Variants in TACR3 observed in about 807,000 individuals in gnomAD.
The protein encoded by TACR3 is neuromedin-K receptor.
In TACR3, 34 loss-of-function variants were observed where a neutral mutation model predicts 35.0. The ratio of observed to expected loss-of-function variants is 0.97; its 90% confidence interval spans 0.74 to 1.30. The LOEUF (loss-of-function observed/expected upper bound fraction) is 1.30, where lower values mean the gene tolerates loss of function less well. Ranked by LOEUF, TACR3 falls within the 50% of genes most tolerant of loss-of-function variation. The probability of loss-of-function intolerance (pLI) is 0.00; values close to 1 mark genes in which losing one functional copy is unlikely to be tolerated. For synonymous variants in TACR3, 233 were observed against 221.1 expected (o/e 1.05, Z -0.48); for missense variants, 558 against 591.7 (o/e 0.94, Z 0.59).
chr4:103,706,653 G>A (rs1248113957), intron 1 of TACR3, among the ~76,000 whole-genome samples: 2 of 152,000 alleles, frequency 1.3e-5, no homozygotes, highest in African/African-American at 2.4e-5. Context: ...TGGATGTGAC[G>A]GTCATAGGTT....
intron 3 of TACR3, among the ~76,000 whole-genome samples, chr4:103,615,039 C>T (rs1254474055): frequency 6.6e-6 from 1 of 151,488 alleles, no homozygotes; most frequent in South Asian, 2.1e-4. Context: ...GGACTACAGG[C>T]GCCCGCCATC....
At chr4:103,617,117 TTA>T (rs1320182171) in intron 3 of TACR3, among the ~76,000 whole-genome samples, 2 of 152,048 alleles carry the variant, frequency 1.3e-5, no homozygotes, top group Non-Finnish European at 2.9e-5. Flanking sequence ...CAACAAAAAA[TTA>T]TGAGACATGT....
chr4:103,646,286 G>T (rs928690166), intron 3 of TACR3, among the ~76,000 whole-genome samples: 1 of 151,938 alleles, frequency 6.6e-6, no homozygotes, highest in Non-Finnish European at 1.5e-5. Flanking sequence ...CAGAAGACTA[G>T]AAAACATCTT....
intron 3 of TACR3, among the ~76,000 whole-genome samples, chr4:103,650,745 A>T (rs1172630079): frequency 6.0e-4 from 53 of 88,534 alleles, no homozygotes; most frequent in Non-Finnish European, 9.1e-4. Context: ...TATCATATAT[A>T]ATATATATAT....
At chr4:103,592,864 G>A (rs1430638302) in intron 3 of TACR3, among the ~76,000 whole-genome samples, 1 of 152,106 alleles carries the variant, frequency 6.6e-6, no homozygotes, top group Non-Finnish European at 1.5e-5. Context: ...GCATGAAATG[G>A]ATCAATGTGG....
intron 3 of TACR3, among the ~76,000 whole-genome samples, chr4:103,604,799 C>T (rs931698429): frequency 6.8e-6 from 1 of 148,066 alleles, no homozygotes; most frequent in Non-Finnish European, 1.5e-5. Context: ...CTCATCATCA[C>T]TGGTCATTAG....
intron 1 of TACR3, among the ~76,000 whole-genome samples, chr4:103,694,543 C>T (rs1172360417): frequency 2.0e-5 from 3 of 152,104 alleles, no homozygotes; most frequent in Non-Finnish European, 4.4e-5. Flanking sequence ...GAAATGGTTT[C>T]TTTAAGGCAC....
At chr4:103,671,145 A>G (rs1726049648) in intron 1 of TACR3, among the ~76,000 whole-genome samples, 1 of 151,872 alleles carries the variant, frequency 6.6e-6, no homozygotes, top group Non-Finnish European at 1.5e-5. Context: ...CCTGATCATG[A>G]TGAGTGATCT....
intron 3 of TACR3, among the ~76,000 whole-genome samples, chr4:103,606,121 G>T (rs1298344757): frequency 6.6e-6 from 1 of 151,832 alleles, no homozygotes; most frequent in Non-Finnish European, 1.5e-5. Flanking sequence ...GTTTGTCAAA[G>T]ATCAGATAGT....
intron 3 of TACR3, among the ~76,000 whole-genome samples, chr4:103,654,858 T>A (rs989613482): frequency 6.6e-6 from 1 of 152,058 alleles, no homozygotes; most frequent in Non-Finnish European, 1.5e-5. Context: ...TCTTTCAACA[T>A]GAGCAAGATG....
chr4:103,602,099 T>G (rs1254519468), intron 3 of TACR3, among the ~76,000 whole-genome samples: 2 of 152,188 alleles, frequency 1.3e-5, no homozygotes, highest in Non-Finnish European at 2.9e-5. Context: ...TTATTCTTTT[T>G]TCTCTAAACT....
At chr4:103,704,707 C>G (rs1722746910) in intron 1 of TACR3, among the ~76,000 whole-genome samples, 1 of 152,098 alleles carries the variant, frequency 6.6e-6, no homozygotes, top group Non-Finnish European at 1.5e-5. Flanking sequence ...GGTTACAATT[C>G]AAAATGAGAT....
At position 103,587,581 on chromosome 4, in the gene TACR3, C is replaced by G. The variant is rs1361740996; in HGVS notation, c.*2101G>C. The stretch of plus-strand genomic sequence containing the variant: ...AGTTATATTTTTCAAATGTATGATA[C>G]TTTGGTAGTGGCTGATGACATTAAA... On this transcript the variant is annotated 3_prime_UTR_variant, in exon 5 of 5. Coordinates refer to ENST00000304883, the MANE Select transcript of TACR3 (RefSeq NM_001059.3). The G allele has an allele frequency of 6.6e-6, 1 of 151,994 alleles. No individual in the cohort carries two copies. The highest frequency in any genetic ancestry group is 1.5e-5 in the Non-Finnish European group (1 of 67,980). 9.4% of individuals were successfully genotyped at this position (151,994 alleles called of 1,614,324 possible).
At chr4:103,620,793 AC>A (rs1724758070) in intron 3 of TACR3, among the ~76,000 whole-genome samples, 1 of 152,174 alleles carries the variant, frequency 6.6e-6, no homozygotes, top group South Asian at 2.1e-4. Context: ...CTATGCTCAC[AC>A]CTGGGGGATG....
chr4:103,586,459 C>T lies in TACR3; in HGVS notation c.*3223G>A, dbSNP rs1157314042. On this transcript the variant is annotated 3_prime_UTR_variant, in exon 5 of 5. Transcript: ENST00000304883. ...TTTTCTATTTGATGAAATAGTTTAC[C>T]AGGTACTAATCATAAATTTTTAGAG... The T allele has an allele frequency of 6.6e-6, 1 of 151,886 alleles. No individual in the cohort carries two copies. Among genetic ancestry groups the T allele is most frequent in the Non-Finnish European group, 1.5e-5 (1 of 67,956 alleles). The allele number at this position is 151,886 out of a possible 1,614,324, so 9.4% of individuals were successfully genotyped here.
At chr4:103,621,203 A>G (rs11935705) in intron 3 of TACR3, among the ~76,000 whole-genome samples, 38,109 of 152,098 alleles carry the variant, frequency 0.25, 5,203 homozygotes, top group African/African-American at 0.34. Flanking sequence ...ATTGAAAAGC[A>G]GTGGGGGAAA....
chr4:103,680,337 G>A (rs1726263639), intron 1 of TACR3, among the ~76,000 whole-genome samples: 1 of 151,366 alleles, frequency 6.6e-6, no homozygotes, highest in African/African-American at 2.4e-5. Flanking sequence ...AGATAAGGAG[G>A]AATGTTTAAG....
At chr4:103,679,372 C>T (rs1007526978) in intron 1 of TACR3, among the ~76,000 whole-genome samples, 1 of 151,952 alleles carries the variant, frequency 6.6e-6, no homozygotes, top group Non-Finnish European at 1.5e-5. Context: ...ATATTTCAAA[C>T]CTCAGGACTG....
rs28404475 is a variant in TACR3 at position 103,678,500 on chromosome 4, T to C, written c.549-20097A>G. 5.1e-3 allele frequency among the ~76,000 whole-genome samples: 774 copies of C among 152,246 alleles called. 7 individuals carry two copies. Among genetic ancestry groups the C allele is most frequent in the African/African-American group, 0.018 (746 of 41,560 alleles). Reference sequence around the variant, plus strand: ...GTTGGCTTTTCTTTTTAATTGTATTTTCATCTTATTAAAATTGATTTAAGC... The same window carrying C: ...GTTGGCTTTTCTTTTTAATTGTATTCTCATCTTATTAAAATTGATTTAAGC... On this transcript the variant is annotated intron_variant, in intron 1 of 4. Coordinates refer to ENST00000304883, the MANE Select transcript of TACR3 (RefSeq NM_001059.3).
Sources: gnomAD v4.1 joint callset for allele counts (sites outside exome capture counted in the v4.1 genomes callset) on GRCh38, gnomAD v4.1.1 for gene constraint, MANE v1.5 for transcripts, NCBI Gene and HGNC (gene_info 2026-07-23, HGNC 2026-07-21) for gene names.